PCNX4: variants seen among roughly 807,000 people sequenced by gnomAD.
The protein encoded by PCNX4 is pecanex 4.
In PCNX4, 103 loss-of-function variants were observed where a neutral mutation model predicts 107.2. The ratio of observed to expected loss-of-function variants is 0.96; its 90% CI spans 0.82 to 1.13. PCNX4 has a LOEUF of 1.13. Ranked by LOEUF, PCNX4 falls within the 50% of genes most tolerant of loss-of-function variation. The pLI, the probability that PCNX4 is intolerant of heterozygous loss-of-function variation, is 0.00. For missense variants in PCNX4, 1,528 were observed against 1,379.4 expected (o/e 1.11, Z -1.71); for synonymous variants, 541 against 481.7 (o/e 1.12, Z -1.61).
At position 60,092,267 on chromosome 14, in the gene PCNX4, C is replaced by A. The variant is rs1038115672; in HGVS notation, c.-206C>A. 6.6e-5 allele frequency: 10 copies of A among 152,280 alleles called. No individual in the cohort carries two copies. The highest frequency in any genetic ancestry group is 4.6e-4 in the Admixed American group (7 of 15,290). The allele number at this position is 152,280 out of a possible 1,614,324, so 9.4% of individuals were successfully genotyped here. On this transcript the variant is annotated 5_prime_UTR_variant, in exon 1 of 11. Coordinates refer to ENST00000406854, the MANE Select transcript of PCNX4 (RefSeq NM_001330177.2). ...AACCGAGAGCTGGCCCGGGCGGGGC[C>A]GCGGTGAGCTCGTTATTCGGCCGCC...
In PCNX4 at chr14:60,108,166, A is replaced by G. The variant is rs1390184379; in HGVS notation, c.528A>G (p.Leu176=). The G allele has an allele frequency of 4.3e-6, 7 of 1,612,892 alleles. No homozygotes were observed. The highest frequency in any genetic ancestry group is 5.9e-6 in the Non-Finnish European group (7 of 1,179,890). The change falls in exon 2 of 11, where the codon CTA becomes CTG. Residue 176 remains leucine (L), a synonymous_variant. Transcript: ENST00000406854. ...GCAGTACAGGAGGCACTGCTCTACT[A>G]TTCTTCTTTGGATGGATGACACTAT... ...LYGSTGGTAL[L]FFFGWMTLCI... is the part of the protein sequence containing the mutation.
chr14:60,131,227 T>C (rs1896149537), intron 10 of PCNX4, among the ~76,000 whole-genome samples: 1 of 152,132 alleles, frequency 6.6e-6, no homozygotes, highest in African/African-American at 2.4e-5. Context: ...ACCAGAGTAA[T>C]TAGGCAAGAA....
chr14:60,118,303 TAAA>T, intron 6 of PCNX4, 23 bp from the exon 7 acceptor site: 1 of 1,529,500 alleles, frequency 6.5e-7, no homozygotes. Flanking sequence ...TAAGGATAAA[TAAA>T]AATAATTTTT....
Position 60,114,760 on chromosome 14 carries a change from A to G in PCNX4, c.750A>G (p.Val250=). The stretch of plus-strand genomic sequence containing the variant: ...ATCAGATTTTACACATCTTGTTTGT[A>G]TTTTTACCCTTTCTGTGGGCACTTG... ...HMNQILHILF[V]FLPFLWALGT... The change falls in exon 3 of 11, where the codon GTA becomes GTG. Residue 250 remains valine, a synonymous_variant. Transcript: ENST00000406854. 1 of 1,613,484 alleles carries G rather than the reference A, an allele frequency of 6.2e-7. No homozygotes were observed.
chr14:60,124,275 GT>G lies in PCNX4; in HGVS notation c.2109del (p.Phe703LeufsTer23). 1 of 1,606,154 alleles carries G rather than the reference GT, an allele frequency of 6.2e-7. No individual in the cohort carries two copies. Among genetic ancestry groups the G allele is most frequent in the Non-Finnish European group, 8.5e-7 (1 of 1,175,754 alleles). On this transcript the variant is annotated frameshift_variant, in exon 9 of 11. Coordinates refer to ENST00000406854, the MANE Select transcript of PCNX4 (RefSeq NM_001330177.2). LOFTEE classifies it high-confidence loss of function. ...TGCAGAAGCTCGCAGAGTTGATGAA[GT>G]TTTTGAAGATGCTTTTGAGCAAGAA... The part of the protein sequence containing the change: ...HTAEARRVDE[V>X]FEDAFEQEYT...
At position 60,147,613 on chromosome 14, in the gene PCNX4, C is replaced by T. The variant is rs1896441819; in HGVS notation, c.*13392C>T. On this transcript the variant is annotated 3_prime_UTR_variant, in exon 11 of 11. Transcript: ENST00000406854. ...AAAGCACAATAGCTAACACTTAGAA[C>T]ACTCCAAGTTGTGTTTTAAGTGCTT... is the stretch of plus-strand genomic sequence containing the variant. 1.3e-5 allele frequency: 2 copies of T among 152,312 alleles called. No individual in the cohort carries two copies. The highest frequency in any genetic ancestry group is 4.1e-4 in the South Asian group (2 of 4,824). 9.4% of individuals were successfully genotyped at this position (152,312 alleles called of 1,614,324 possible). A position where few individuals can be genotyped will look rare whatever the true frequency, so the allele number is the denominator to read the frequency against.
Position 60,115,485 on chromosome 14 carries a change from C to G in PCNX4, c.1357+24C>G, listed in dbSNP as rs1595170036. The stretch of plus-strand genomic sequence containing the variant: ...AGGTAGGAAGATAAAGTCTATTAAC[C>G]TTGTGTTACAAATCATATCCTGGAA... On this transcript the variant is annotated intron_variant, in intron 4 of 10. Coordinates refer to ENST00000406854, the MANE Select transcript of PCNX4 (RefSeq NM_001330177.2). 2.0e-6 allele frequency: 3 copies of G among 1,508,194 alleles called. No homozygotes were observed. The East Asian group carries it at 6.8e-5, about 34-fold the overall frequency. The allele number at this position is 1,508,194 out of a possible 1,614,324, so 93.4% of individuals were successfully genotyped here. A position where few individuals can be genotyped will look rare whatever the true frequency, so the allele number is the denominator to read the frequency against.
At chr14:60,130,317 G>A (rs1896131660) in intron 10 of PCNX4, among the ~76,000 whole-genome samples, 2 of 147,806 alleles carry the variant, frequency 1.4e-5, no homozygotes, top group African/African-American at 2.5e-5. Context: ...ATATAAATAT[G>A]TAATATATAA....
chr14:60,098,848 G>A (rs1449467018), intron 1 of PCNX4, among the ~76,000 whole-genome samples: 1 of 151,744 alleles, frequency 6.6e-6, no homozygotes, highest in Non-Finnish European at 1.5e-5. Context: ...TGAGGCAGGA[G>A]AATCGCTTGA....
At chr14:60,125,913 TA>T in intron 10 of PCNX4, 90 bp downstream of exon 10, 1 of 857,702 alleles carries the variant, frequency 1.2e-6, no homozygotes, top group Non-Finnish European at 1.6e-6. Flanking sequence ...ATAAATGATA[TA>T]ACGTTATAGC....
intron 10 of PCNX4, among the ~76,000 whole-genome samples, chr14:60,129,996 A>G (rs1005088707): frequency 4.6e-5 from 7 of 152,222 alleles, no homozygotes; most frequent in African/African-American, 1.4e-4. Flanking sequence ...AAATTCAGCT[A>G]TTTCAGTAAT....
intron 10 of PCNX4, among the ~76,000 whole-genome samples, chr14:60,126,411 C>T (rs972915918): frequency 1.3e-5 from 2 of 152,204 alleles, no homozygotes; most frequent in African/African-American, 4.8e-5. Flanking sequence ...TGCAAATGCA[C>T]TCCCTAGTGA....
At chr14:60,106,513 G>A (rs965345480) in intron 1 of PCNX4, among the ~76,000 whole-genome samples, 4 of 152,142 alleles carry the variant, frequency 2.6e-5, no homozygotes, top group Non-Finnish European at 5.9e-5. Flanking sequence ...GTACTTGCAG[G>A]GCTGTCATGT....
rs1157548118 is a variant in PCNX4 at position 60,147,558 on chromosome 14, C to G, written c.*13337C>G. The G allele has an allele frequency of 6.6e-6, 1 of 152,078 alleles. No homozygotes were observed. The highest frequency in any genetic ancestry group is 1.5e-5 in the Non-Finnish European group (1 of 68,012). The allele number at this position is 152,078 out of a possible 1,614,324, so 9.4% of individuals were successfully genotyped here. A position where few individuals can be genotyped will look rare whatever the true frequency, so the allele number is the denominator to read the frequency against. On this transcript the variant is annotated 3_prime_UTR_variant, in exon 11 of 11. Coordinates refer to ENST00000406854, the MANE Select transcript of PCNX4 (RefSeq NM_001330177.2). ...ATCATTAAGGAAGCTGAATATCCTG[C>G]TATATCTAACTCAAGCTGAGAAGGG...
chr14:60,125,027 G>A lies in PCNX4; in HGVS notation c.2856G>A (p.Glu952=), dbSNP rs1046044099. The A allele has an allele frequency of 1.2e-6, 2 of 1,613,652 alleles. No individual in the cohort carries two copies. The highest frequency in any genetic ancestry group is 1.1e-5 in the South Asian group (1 of 91,074). The change falls in exon 9 of 11, where the codon GAG becomes GAA. Residue 952 remains glutamate, a synonymous_variant. Transcript: ENST00000406854. The part of the protein sequence containing the change: ...LRQLECYHSE[E]KASNVLEEIA... ...AGTTGGAATGTTATCATTCAGAAGA[G>A]AAGGCCTCAAATGTACTGGAAGAAA...
intron 8 of PCNX4, 100 bp from the exon 9 acceptor site, chr14:60,124,118 A>G (rs1177672698): frequency 2.0e-6 from 2 of 994,372 alleles, no homozygotes; most frequent in Admixed American, 3.5e-5. Context: ...GTCATTTTCC[A>G]TATTTTTGTG....
chr14:60,111,325 T>G (rs1474602877), intron 2 of PCNX4, among the ~76,000 whole-genome samples: 1 of 152,200 alleles, frequency 6.6e-6, no homozygotes, highest in Non-Finnish European at 1.5e-5. Context: ...CAGAGGACAA[T>G]GTAATGCCCA....
rs1895818184 is a variant in PCNX4 at position 60,115,088 on chromosome 14, C to T, written c.984C>T (p.Asn328=). The change falls in exon 4 of 11, where the codon AAC becomes AAT. Residue 328 remains asparagine (N), a synonymous_variant. Coordinates refer to ENST00000406854, the MANE Select transcript of PCNX4 (RefSeq NM_001330177.2). The part of the protein sequence containing the change: ...MTGFGFLLSL[N]LSDMGHKIGT... ...GATTTGGTTTCTTGCTGAGTCTGAA[C>T]TTAAGTGATATGGGTCACAAAATTG... The T allele has an allele frequency of 6.2e-7, 1 of 1,613,714 alleles. No homozygotes were observed. The highest frequency in any genetic ancestry group is 1.3e-5 in the African/African-American group (1 of 74,886).
intron 1 of PCNX4, among the ~76,000 whole-genome samples, chr14:60,094,145 A>G (rs1186095776): frequency 6.6e-6 from 1 of 152,182 alleles, no homozygotes; most frequent in Non-Finnish European, 1.5e-5. Context: ...TCCATTCTAT[A>G]GGTTGTTCTC....
Sources: allele counts gnomAD v4.1 joint callset (sites outside exome capture counted in the v4.1 genomes callset), GRCh38; gene constraint gnomAD v4.1.1; transcripts MANE v1.5; gene names NCBI Gene and HGNC (gene_info 2026-07-23, HGNC 2026-07-21).